The following MRPL37 variants were observed in gnomAD, a reference collection of about 807,000 sequenced individuals.
The protein encoded by MRPL37 is large ribosomal subunit protein mL37.
Under a neutral mutation model 44.1 loss-of-function variants are expected in MRPL37, and 34 were observed. The observed-to-expected ratio is 0.77, with a 90% confidence interval of 0.59 to 1.03. The LOEUF (loss-of-function observed/expected upper bound fraction) is 1.03. MRPL37 is among the 50% of genes least tolerant of loss of function. The pLI is 0.00. For synonymous variants in MRPL37, 212 were observed against 219.5 expected, an observed-to-expected ratio of 0.97 and a Z score of 0.30; for missense variants, 532 against 543.7, an observed-to-expected ratio of 0.98 and a Z score of 0.21.
intron 4 of MRPL37, 100 bp from the exon 5 acceptor site, chr1:54,212,401 G>A (rs1019608092): frequency 3.5e-6 from 5 of 1,415,520 alleles, no homozygotes; most frequent in Non-Finnish European, 4.9e-6. Flanking sequence ...GAGTCTCTCT[G>A]TAGCACCTGT....
At chr1:54,203,061 C>T (rs1376517547) in intron 1 of MRPL37, among the ~76,000 whole-genome samples, 2 of 152,206 alleles carry the variant, frequency 1.3e-5, no homozygotes, top group African/African-American at 4.8e-5. Flanking sequence ...TTGCCTGGCA[C>T]CACAGCCCAT....
intron 3 of MRPL37, among the ~76,000 whole-genome samples, chr1:54,207,858 T>G (rs1000482820): frequency 1.3e-5 from 2 of 152,238 alleles, no homozygotes; most frequent in Non-Finnish European, 2.9e-5. Flanking sequence ...ATGACAGTGC[T>G]GTTGACCAAA....
rs1570133809 is a variant in MRPL37, at chr1:54,200,409, G to C, written c.166G>C (p.Glu56Gln). 2.5e-6 allele frequency: 4 copies of C among 1,614,230 alleles called. No homozygotes were observed. In the East Asian group the frequency reaches 6.7e-5, roughly 27 times the overall value. The change falls in exon 1 of 7, where the codon GAG becomes CAG. Residue 56 changes from glutamate (E) to glutamine (Q), a missense_variant. Coordinates refer to ENST00000360840, the MANE Select transcript of MRPL37 (RefSeq NM_016491.4). ...LDRVYEIPGL[E>Q]PITFAGKMHF... ...TAGGGTGTACGAGATCCCTGGACTG[G>C]AGCCCATCACCTTTGCGGGGAAGAT...
rs1316950251 is a variant in MRPL37 at position 54,200,247 on chromosome 1, G to A, written c.4G>A (p.Ala2Thr). 13 of 1,584,064 alleles carry A rather than the reference G, an allele frequency of 8.2e-6. No individual in the cohort carries two copies. The highest frequency in any genetic ancestry group is 1.0e-5 in the Non-Finnish European group (12 of 1,169,198). ...GTCTTGAGGCTATCAGATCGGTATG[G>A]CATTGGCGTCCGGGCCCGCAAGGCG... Reference protein sequence around the residue: MALASGPARRAL... With the variant: MTLASGPARRAL... The change falls in exon 1 of 7, where the codon GCA (alanine) becomes ACA (threonine). Residue 2 changes from alanine to threonine, a missense_variant. Ala to Thr is a moderately conservative substitution (Grantham distance 58, BLOSUM62 0). Coordinates refer to ENST00000360840, the MANE Select transcript of MRPL37 (RefSeq NM_016491.4).
intron 1 of MRPL37, among the ~76,000 whole-genome samples, chr1:54,204,548 A>G (rs962894739): frequency 9.9e-5 from 15 of 152,236 alleles, no homozygotes; most frequent in Non-Finnish European, 2.2e-4. Flanking sequence ...AGAAGGCAGC[A>G]TGGGCTTATG....
chr1:54,213,505 C>T (rs1257864780), intron 5 of MRPL37, among the ~76,000 whole-genome samples: 1 of 152,116 alleles, frequency 6.6e-6, no homozygotes, highest in East Asian at 1.9e-4. Context: ...GTGGAATGGG[C>T]CTTGCCCAGA....
chr1:54,215,712 G>C (rs544574531), intron 5 of MRPL37, among the ~76,000 whole-genome samples: 1 of 152,300 alleles, frequency 6.6e-6, no homozygotes, highest in South Asian at 2.1e-4. Flanking sequence ...GTCAAATGGG[G>C]TGAGAACTGA....
downstream of MRPL37, chr1:54,225,389 T>C: frequency 8.1e-7 from 1 of 1,234,044 alleles, no homozygotes; most frequent in African/African-American, 1.5e-5. Context: ...GTAATCAGTG[T>C]AATAAACTCC....
chr1:54,225,201 A>T, downstream of MRPL37: 11 of 1,234,346 alleles, frequency 8.9e-6, no homozygotes, highest in Non-Finnish European at 1.1e-5. Flanking sequence ...GACGGCCCCC[A>T]AATATTTAAA....
At chr1:54,208,480 C>T (rs1442055864) in intron 3 of MRPL37, among the ~76,000 whole-genome samples, 3 of 135,262 alleles carry the variant, frequency 2.2e-5, no homozygotes, top group South Asian at 2.4e-4. Context: ...ACCCGGAAGG[C>T]GGAGCTTGCA....
At chr1:54,224,598 C>A (rs61744412), downstream of MRPL37, among the ~76,000 whole-genome samples, 2,422 of 152,306 alleles carry the variant, frequency 0.016, 49 homozygotes, top group East Asian at 0.065. Flanking sequence ...CCCCTAAGGG[C>A]TTTATAAACA....
intron 5 of MRPL37, among the ~76,000 whole-genome samples, chr1:54,212,969 G>T (rs908043230): frequency 6.6e-6 from 1 of 152,228 alleles, no homozygotes; most frequent in African/African-American, 2.4e-5. Flanking sequence ...GCACTAAGTG[G>T]TGGAGATAGG....
chr1:54,208,612 C>G (rs1644141923), intron 3 of MRPL37, among the ~76,000 whole-genome samples: 1 of 151,394 alleles, frequency 6.6e-6, no homozygotes, highest in African/African-American at 2.4e-5. Context: ...CTCTCTCTCT[C>G]CATCACTTCT....
intron 3 of MRPL37, among the ~76,000 whole-genome samples, chr1:54,209,513 G>A (rs1483395866): frequency 2.0e-5 from 3 of 149,916 alleles, no homozygotes; most frequent in Admixed American, 6.7e-5. Context: ...AGGCTGGAGT[G>A]CAGTGCCGTC....
At chr1:54,203,658 T>A (rs904003975) in intron 1 of MRPL37, among the ~76,000 whole-genome samples, 1 of 151,918 alleles carries the variant, frequency 6.6e-6, no homozygotes, top group African/African-American at 2.4e-5. Context: ...GTATTTTTAG[T>A]AGAGACGGGG....
Position 54,200,255 on chromosome 1 carries a change from G to A in MRPL37, c.12G>A (p.Ala4=). The change falls in exon 1 of 7, where the codon GCG becomes GCA. Residue 4 remains alanine, a synonymous_variant. Coordinates refer to ENST00000360840, the MANE Select transcript of MRPL37 (RefSeq NM_016491.4). Reference sequence around the variant, plus strand: ...GCTATCAGATCGGTATGGCATTGGCGTCCGGGCCCGCAAGGCGGGCGCTAG... The same window carrying A: ...GCTATCAGATCGGTATGGCATTGGCATCCGGGCCCGCAAGGCGGGCGCTAG... The part of the protein sequence containing the change: MAL[A]SGPARRALAG... The A allele has an allele frequency of 1.3e-6, 2 of 1,590,104 alleles. No individual in the cohort carries two copies. Among genetic ancestry groups the A allele is most frequent in the Non-Finnish European group, 1.7e-6 (2 of 1,171,346 alleles).
intron 1 of MRPL37, among the ~76,000 whole-genome samples, chr1:54,202,648 A>G (rs933030933): frequency 1.3e-5 from 2 of 152,092 alleles, no homozygotes; most frequent in East Asian, 3.9e-4. Flanking sequence ...TTACAGGCAC[A>G]TGCTGTCATG....
downstream of MRPL37, among the ~76,000 whole-genome samples, chr1:54,222,233 C>T (rs544228767): frequency 5.3e-5 from 8 of 152,308 alleles, no homozygotes; most frequent in African/African-American, 1.9e-4. Context: ...TACACTGAAC[C>T]AGGCTGTGGG....
Position 54,216,445 on chromosome 1 carries a change from C to G in MRPL37, c.1194+101C>G, listed in dbSNP as rs1644198245. 1.1e-5 allele frequency: 16 copies of G among 1,395,616 alleles called. No individual in the cohort carries two copies. In the South Asian group the frequency reaches 2.0e-4, roughly 17 times the overall value. The allele number at this position is 1,395,616 out of a possible 1,614,324, so 86.5% of individuals were successfully genotyped here. ...GCTGGGGTGCTCTGTGAGGAGAGCC[C>G]TGGCCCTGGGGACTTCCCACCCGGG... On this transcript the variant is annotated intron_variant, in intron 6 of 6. Transcript: ENST00000360840.
Sources: allele counts gnomAD v4.1 joint callset (sites outside exome capture counted in the v4.1 genomes callset), GRCh38; gene constraint gnomAD v4.1.1; transcripts MANE v1.5; gene names NCBI Gene and HGNC (gene_info 2026-07-23, HGNC 2026-07-21).